Variants in MSRA observed in about 807,000 individuals in gnomAD.
MSRA encodes the protein methionine sulfoxide reductase A, also known as mitochondrial peptide methionine sulfoxide reductase.
A neutral mutation model predicts 31.3 loss-of-function variants in MSRA; 54 were observed. That is an observed-to-expected ratio of 1.73 (90% CI 1.39 to 2.17). The LOEUF is 2.17. MSRA is among the 30% of genes most tolerant of loss of function. The probability of loss-of-function intolerance (pLI) is 0.00; values close to 1 mark genes in which losing one functional copy is unlikely to be tolerated. For missense variants in MSRA, 507 were observed against 300.9 expected (o/e 1.69, Z -5.07); for synonymous variants, 169 against 116.5 (o/e 1.45, Z -2.90).
intron 1 of MSRA, among the ~76,000 whole-genome samples, chr8:10,113,554 G>T (rs1800456720): frequency 6.6e-6 from 1 of 151,706 alleles, no homozygotes; most frequent in African/African-American, 2.4e-5. Context: ...GTTGTTGACA[G>T]TGAGAAGTGG....
chr8:10,309,861 G>A (rs777010866), intron 4 of MSRA, among the ~76,000 whole-genome samples: 36 of 152,274 alleles, frequency 2.4e-4, no homozygotes, highest in African/African-American at 8.4e-4. Flanking sequence ...CCAGGGAATC[G>A]GGTGGGATAG....
At chr8:10,287,532 G>A (rs761361798) in intron 3 of MSRA, among the ~76,000 whole-genome samples, 3 of 152,152 alleles carry the variant, frequency 2.0e-5, no homozygotes, top group Admixed American at 1.3e-4. Flanking sequence ...CACAGAACAA[G>A]CTACCTAAGT....
At chr8:10,098,353 T>G (rs545130590) in intron 1 of MSRA, among the ~76,000 whole-genome samples, 59 of 152,280 alleles carry the variant, frequency 3.9e-4, no homozygotes, top group African/African-American at 1.4e-3. Flanking sequence ...AAATTCCATT[T>G]TGATGTATGT....
At chr8:10,141,212 C>G (rs755584612) in intron 1 of MSRA, among the ~76,000 whole-genome samples, 1 of 152,180 alleles carries the variant, frequency 6.6e-6, no homozygotes, top group African/African-American at 2.4e-5. Context: ...GAGTGCTTAC[C>G]CTGTGCCAGG....
intron 1 of MSRA, among the ~76,000 whole-genome samples, chr8:10,116,264 A>T (rs938649416): frequency 1.1e-4 from 16 of 152,294 alleles, no homozygotes; most frequent in African/African-American, 3.6e-4. Flanking sequence ...GATTTTTTTT[A>T]AATTTTAAGC....
At chr8:10,085,455 C>T (rs1184546018) in intron 1 of MSRA, among the ~76,000 whole-genome samples, 1 of 152,160 alleles carries the variant, frequency 6.6e-6, no homozygotes, top group African/African-American at 2.4e-5. Flanking sequence ...ATGGATCTGT[C>T]CTGTTTCTGC....
intron 1 of MSRA, among the ~76,000 whole-genome samples, chr8:10,112,924 C>T (rs1031001094): frequency 9.2e-5 from 14 of 152,252 alleles, no homozygotes; most frequent in Admixed American, 2.0e-4. Flanking sequence ...TCAGTTGTCT[C>T]CTTTTCAGGA....
At chr8:10,192,615 T>C (rs1018526057) in intron 1 of MSRA, among the ~76,000 whole-genome samples, 2 of 152,250 alleles carry the variant, frequency 1.3e-5, no homozygotes, top group African/African-American at 2.4e-5. Flanking sequence ...TTTCTGTCTA[T>C]AGTTAGTAGC....
At chr8:10,072,933 T>A (rs1797816243) in intron 1 of MSRA, among the ~76,000 whole-genome samples, 2 of 152,248 alleles carry the variant, frequency 1.3e-5, no homozygotes, top group Non-Finnish European at 2.9e-5. Context: ...TGCAGTTGAT[T>A]TTGGGATGTT....
chr8:10,210,053 G>C (rs1444490575), intron 2 of MSRA, among the ~76,000 whole-genome samples: 1 of 152,102 alleles, frequency 6.6e-6, no homozygotes. Flanking sequence ...GTCGCCCTGG[G>C]CTAGGGTAGA....
At chr8:10,323,637 T>G (rs567214490) in intron 5 of MSRA, among the ~76,000 whole-genome samples, 1 of 152,294 alleles carries the variant, frequency 6.6e-6, no homozygotes, top group African/African-American at 2.4e-5. Flanking sequence ...GCTGCTATAA[T>G]TATCCTTTCA....
chr8:10,361,585 A>G (rs1353558840), intron 5 of MSRA, among the ~76,000 whole-genome samples: 1 of 152,150 alleles, frequency 6.6e-6, no homozygotes, highest in Non-Finnish European at 1.5e-5. Flanking sequence ...CTCGGGATGT[A>G]AACACAAGCC....
At chr8:10,171,977 C>G (rs899660447) in intron 1 of MSRA, among the ~76,000 whole-genome samples, 2 of 152,174 alleles carry the variant, frequency 1.3e-5, no homozygotes, top group African/African-American at 4.8e-5. Context: ...ACCAGAGGAA[C>G]TTAGGTTATG....
At chr8:10,235,242 G>A (rs181468392) in intron 2 of MSRA, among the ~76,000 whole-genome samples, 7 of 152,094 alleles carry the variant, frequency 4.6e-5, no homozygotes, top group Admixed American at 1.3e-4. Context: ...CAATCAAATC[G>A]GAAATAAAAT....
rs543719658 is a variant in MSRA, at chr8:10,344,779, G to A, written c.543+24790G>A. On this transcript the variant is annotated intron_variant, in intron 5 of 5. Transcript: ENST00000317173. ...ATTCTCCATTACTGTGTGAGGTGGT[G>A]TACAAGACCTCAGGTTCACTCTTGG... Among the ~76,000 whole-genome samples the A allele has an allele frequency of 4.6e-5, 7 of 152,218 alleles. No homozygotes were observed. In the South Asian group the frequency reaches 1.2e-3, roughly 27 times the overall value.
intron 5 of MSRA, among the ~76,000 whole-genome samples, chr8:10,344,415 A>C (rs186972704): frequency 2.0e-5 from 3 of 151,792 alleles, no homozygotes; most frequent in Non-Finnish European, 4.4e-5. Context: ...CTCTACTAAA[A>C]ATACAAAAAT....
At chr8:10,188,120 C>T (rs1220217607) in intron 1 of MSRA, among the ~76,000 whole-genome samples, 1 of 152,190 alleles carries the variant, frequency 6.6e-6, no homozygotes, top group Non-Finnish European at 1.5e-5. Context: ...TACATAGTTC[C>T]AATGTGCCTT....
intron 5 of MSRA, among the ~76,000 whole-genome samples, chr8:10,408,875 A>T (rs181561218): frequency 1.4e-3 from 219 of 152,270 alleles, no homozygotes; most frequent in African/African-American, 4.9e-3. Flanking sequence ...AGTTCTCTCC[A>T]CATTGCTGCA....
At chr8:10,248,391 C>G (rs1438082865) in intron 3 of MSRA, among the ~76,000 whole-genome samples, 1 of 152,150 alleles carries the variant, frequency 6.6e-6, no homozygotes, top group African/African-American at 2.4e-5. Context: ...ACAGAATCCA[C>G]AGGGCCAGCT....
Sources: gnomAD v4.1 joint callset for allele counts (sites outside exome capture counted in the v4.1 genomes callset) on GRCh38, gnomAD v4.1.1 for gene constraint, MANE v1.5 for transcripts, NCBI Gene and HGNC (gene_info 2026-07-23, HGNC 2026-07-21) for gene names.